MALSU1: variants seen among roughly 807,000 people sequenced by gnomAD.
MALSU1 encodes the protein mitochondrial assembly of ribosomal large subunit 1.
MALSU1 carries 22 observed loss-of-function variants against 22.1 expected under a neutral mutation model. The ratio of observed to expected loss-of-function variants is 1.00; its 90% confidence interval spans 0.71 to 1.42. The LOEUF is 1.42. Among genes scored for constraint, MALSU1 ranks in the 40% most tolerant of loss-of-function variants. The probability of loss-of-function intolerance (pLI) is 0.00; values close to 1 mark genes in which losing one functional copy is unlikely to be tolerated. For synonymous variants in MALSU1, 153 were observed against 118.5 expected (o/e 1.29, Z -1.89); for missense variants, 379 against 308.3 (o/e 1.23, Z -1.72).
At chr7:23,308,658 T>C (rs1024058556) in intron 3 of MALSU1, among the ~76,000 whole-genome samples, 3 of 152,198 alleles carry the variant, frequency 2.0e-5, no homozygotes, top group Non-Finnish European at 2.9e-5. Context: ...TAGGGCAACA[T>C]GGGCCAGATG....
In MALSU1 at chr7:23,302,690, GC is replaced by G. The variant is rs202218982; in HGVS notation, c.435+1675del. Among the ~76,000 whole-genome samples the G allele has an allele frequency of 8.3e-3, 1,263 of 152,328 alleles. 21 individuals are homozygous for G. The highest frequency in any genetic ancestry group is 0.028 in the African/African-American group (1,160 of 41,562). The stretch of plus-strand genomic sequence containing the variant: ...GTGAAAGAATAAAGAAATAGAAATT[GC>G]CTTTACAAAGATTTTAGATGAGAGA... On this transcript the variant is annotated intron_variant, in intron 2 of 3. Transcript: ENST00000466681.
chr7:23,308,852 A>G (rs1273143559), intron 3 of MALSU1, among the ~76,000 whole-genome samples: 2 of 152,200 alleles, frequency 1.3e-5, no homozygotes, highest in African/African-American at 2.4e-5. Context: ...GATGTTTAGC[A>G]GTATCCTCCC....
intron 2 of MALSU1, among the ~76,000 whole-genome samples, chr7:23,303,256 A>G (rs1249870248): frequency 1.3e-5 from 2 of 152,172 alleles, no homozygotes; most frequent in South Asian, 4.1e-4. Flanking sequence ...GAATTTGACT[A>G]CTTTTCAGTA....
At chr7:23,307,386 A>G (rs916002085) in intron 2 of MALSU1, among the ~76,000 whole-genome samples, 2 of 152,196 alleles carry the variant, frequency 1.3e-5, no homozygotes, top group Admixed American at 6.5e-5. Context: ...TGATATTAGT[A>G]TATCTGTTTT....
intron 2 of MALSU1, among the ~76,000 whole-genome samples, chr7:23,302,236 AAG>A (rs1783657824): frequency 6.6e-6 from 1 of 152,184 alleles, no homozygotes. Context: ...TGAGGAAAGA[AAG>A]GGGGATTGTT....
intron 1 of MALSU1, among the ~76,000 whole-genome samples, chr7:23,300,428 G>C (rs1783626448): frequency 6.6e-6 from 1 of 152,098 alleles, no homozygotes; most frequent in African/African-American, 2.4e-5. Context: ...TCACAATTCT[G>C]TGACCCGTTA....
intron 2 of MALSU1, among the ~76,000 whole-genome samples, chr7:23,302,615 A>G (rs1783663390): frequency 6.6e-6 from 1 of 152,206 alleles, no homozygotes; most frequent in Non-Finnish European, 1.5e-5. Flanking sequence ...CTTAGTGACC[A>G]TTGGACTTGC....
At chr7:23,301,185 A>T in intron 2 of MALSU1, 168 bp downstream of exon 2, 1 of 586,344 alleles carries the variant, frequency 1.7e-6, no homozygotes, top group Non-Finnish European at 3.0e-6. Flanking sequence ...ATAGTGAAAC[A>T]TATGGGAGCA....
intron 3 of MALSU1, among the ~76,000 whole-genome samples, chr7:23,308,288 G>C (rs1008906657): frequency 2.0e-5 from 3 of 152,312 alleles, no homozygotes; most frequent in African/African-American, 7.2e-5. Context: ...AGTGGTAGAG[G>C]AAGGTTTGGG....
At position 23,309,553 on chromosome 7, in the gene MALSU1, T is replaced by G. The variant is rs1198896151; in HGVS notation, c.*10T>G. The G allele has an allele frequency of 6.3e-7, 1 of 1,580,586 alleles. No homozygotes were observed. Among genetic ancestry groups the G allele is most frequent in the Non-Finnish European group, 8.6e-7 (1 of 1,165,726 alleles). ...GTTAAAATGTGAATAAAATATTTTA[T>G]GCACTGCGTTAGTCATTTCAGATTT... On this transcript the variant is annotated 3_prime_UTR_variant, in exon 4 of 4. Coordinates refer to ENST00000466681, the MANE Select transcript of MALSU1 (RefSeq NM_138446.2).
At position 23,307,869 on chromosome 7, in the gene MALSU1, A is replaced by G. The variant is rs1783742817; in HGVS notation, c.437A>G (p.Tyr146Cys). Residue 146 changes from tyrosine (Y) to cysteine (C), a missense_variant and splice_region_variant, in exon 3 of 4, where the codon TAC (tyrosine) becomes TGC (cysteine). Coordinates refer to ENST00000466681, the MANE Select transcript of MALSU1 (RefSeq NM_138446.2). The part of the protein sequence containing the change: ...HAMAFYVVKM[Y>C]KHLKCKRDPH... ...AATAAACCACCTGGCTTTTTGCAGTACAAACACCTGAAATGTAAACGTGAC... is the reference window on the plus strand; with the variant it reads ...AATAAACCACCTGGCTTTTTGCAGTGCAAACACCTGAAATGTAAACGTGAC... The G allele has an allele frequency of 1.9e-6, 3 of 1,612,944 alleles. No homozygotes were observed. The East Asian group carries it at 6.7e-5, about 36-fold the overall frequency.
intron 2 of MALSU1, among the ~76,000 whole-genome samples, chr7:23,304,558 G>A (rs894288172): frequency 2.6e-5 from 4 of 152,170 alleles, no homozygotes; most frequent in Non-Finnish European, 1.5e-5. Context: ...TCAGTGCAGT[G>A]GTGTGGTCAT....
At chr7:23,299,735 G>A in intron 1 of MALSU1, 127 bp downstream of exon 1, 1 of 1,118,648 alleles carries the variant, frequency 8.9e-7, no homozygotes, top group Non-Finnish European at 1.2e-6. Flanking sequence ...TGCACATCCA[G>A]AGCTGGAAGG....
chr7:23,300,473 C>T (rs1783627013), intron 1 of MALSU1, among the ~76,000 whole-genome samples: 1 of 152,182 alleles, frequency 6.6e-6, no homozygotes, highest in Admixed American at 6.6e-5. Context: ...TCCAGGATAT[C>T]ACCTCCTACC....
chr7:23,305,691 G>A (rs928999509), intron 2 of MALSU1, among the ~76,000 whole-genome samples: 1 of 151,994 alleles, frequency 6.6e-6, no homozygotes, highest in Non-Finnish European at 1.5e-5. Context: ...ATAAAGTTTA[G>A]GTTGGATTTT....
In MALSU1 at chr7:23,310,987, TCA is replaced by T. The variant is rs1343166228; in HGVS notation, c.*1447_*1448del. 6.6e-6 allele frequency: 1 copy of T among 152,202 alleles called. No individual in the cohort carries two copies. Among genetic ancestry groups the T allele is most frequent in the Non-Finnish European group, 1.5e-5 (1 of 68,018 alleles). The allele number at this position is 152,202 out of a possible 1,614,324, so 9.4% of individuals were successfully genotyped here. ...GTTCGTTATCAAAGGTCATATGTTT[TCA>T]CAGTCATTCAAATTATATCCCAAAA... On this transcript the variant is annotated 3_prime_UTR_variant, in exon 4 of 4. Coordinates refer to ENST00000466681, the MANE Select transcript of MALSU1 (RefSeq NM_138446.2).
At position 23,309,489 on chromosome 7, in the gene MALSU1, T is replaced by C; in HGVS notation, c.651T>C (p.Leu217=). The C allele has an allele frequency of 1.2e-6, 2 of 1,612,680 alleles. No homozygotes were observed. The highest frequency in any genetic ancestry group is 1.7e-6 in the Non-Finnish European group (2 of 1,179,506). Reference sequence around the variant, plus strand: ...AGACAGTACCTGAAGACTTCATTCTTGGAATAGAAGATGATACTTCATCTG... The same window carrying C: ...AGACAGTACCTGAAGACTTCATTCTCGGAATAGAAGATGATACTTCATCTG... ...APETVPEDFI[L]GIEDDTSSVT... Residue 217 remains leucine (L), a synonymous_variant, in exon 4 of 4, where the codon CTT becomes CTC. Coordinates refer to ENST00000466681, the MANE Select transcript of MALSU1 (RefSeq NM_138446.2).
intron 2 of MALSU1, among the ~76,000 whole-genome samples, chr7:23,303,120 C>T (rs191999577): frequency 1.7e-4 from 26 of 152,314 alleles, no homozygotes; most frequent in Admixed American, 7.2e-4. Context: ...CATTGACTTA[C>T]AATCATTACC....
intron 3 of MALSU1, 31 bp downstream of exon 3, chr7:23,307,980 C>G (rs1474734402): frequency 7.0e-7 from 1 of 1,424,776 alleles, no homozygotes; most frequent in Non-Finnish European, 9.9e-7. Flanking sequence ...TTACAGGTAA[C>G]TGTTGGTACT....
Sources: gnomAD v4.1 joint callset for allele counts (sites outside exome capture counted in the v4.1 genomes callset) on GRCh38, gnomAD v4.1.1 for gene constraint, MANE v1.5 for transcripts, NCBI Gene and HGNC (gene_info 2026-07-23, HGNC 2026-07-21) for gene names.